The following RNF213 variants were observed in gnomAD, a reference collection of about 807,000 sequenced individuals.
RNF213 encodes E3 ubiquitin-protein ligase RNF213.
In RNF213, 341 loss-of-function variants were observed where a neutral mutation model predicts 514.4. The ratio of observed to expected loss-of-function variants is 0.66; its 90% CI spans 0.61 to 0.73. RNF213 has a LOEUF of 0.73. Among genes scored for constraint, RNF213 ranks in the 30% least tolerant of loss-of-function variants. The pLI, the probability that RNF213 is intolerant of heterozygous loss-of-function variation, is 0.00. For missense variants in RNF213, 5,767 were observed against 6,615.6 expected (o/e 0.87, Z 4.45); for synonymous variants, 2,655 against 2,658.2 (o/e 1.00, Z 0.04).
intron 2 of RNF213, among the ~76,000 whole-genome samples, chr17:80,269,156 G>A (rs1248490338): frequency 6.6e-6 from 1 of 152,104 alleles, no homozygotes; most frequent in Non-Finnish European, 1.5e-5. Flanking sequence ...AGCCACGCTG[G>A]CAGCTGACTG....
intron 57 of RNF213, 86 bp downstream of exon 57, chr17:80,381,813 C>CG: frequency 3.3e-6 from 4 of 1,213,098 alleles, no homozygotes. Flanking sequence ...CCACCCCACA[C>CG]ACAGCCAGTC....
chr17:80,306,116 C>T (rs1034826299), intron 11 of RNF213, 136 bp from the exon 12 acceptor site: 25 of 841,440 alleles, frequency 3.0e-5, no homozygotes, highest in African/African-American at 5.0e-5. Flanking sequence ...GTGTGAGCCA[C>T]CACGCCTGCC....
At chr17:80,390,290 C>A in intron 67 of RNF213, 94 bp downstream of exon 67, 3 of 1,374,240 alleles carry the variant, frequency 2.2e-6, no homozygotes, top group Non-Finnish European at 3.1e-6. Flanking sequence ...TCTTTTCTTA[C>A]CACAGAATCC....
At chr17:80,354,404 A>G in intron 35 of RNF213, 37 bp from the exon 36 acceptor site, 1 of 1,614,058 alleles carries the variant, frequency 6.2e-7, no homozygotes, top group Non-Finnish European at 8.5e-7. Context: ...CAGCTCAGCC[A>G]CGGCCATGCT....
Position 80,294,116 on chromosome 17 carries a change from TAC to T in RNF213, c.1472-602_1472-601del, listed in dbSNP as rs201118442. ...GACATCTTGGGTTTTCTAATTATTT[TAC>T]AGTCAACCTCACTGGGTTTTCTGCA... On this transcript the variant is annotated intron_variant, in intron 8 of 67. Transcript: ENST00000582970. Among the ~76,000 whole-genome samples, 435 of 152,342 alleles carry T rather than the reference TAC, an allele frequency of 2.9e-3. 5 individuals are homozygous for T. The highest frequency in any genetic ancestry group is 0.01 in the African/African-American group (426 of 41,586).
Position 80,347,097 on chromosome 17 carries a change from A to C in RNF213, c.8762A>C (p.Asp2921Ala). 1 of 1,614,052 alleles carries C rather than the reference A, an allele frequency of 6.2e-7. No homozygotes were observed. The highest frequency in any genetic ancestry group is 8.5e-7 in the Non-Finnish European group (1 of 1,180,008). ...IESAKGICSS[D>A]ILVQDRVQGY... The stretch of plus-strand genomic sequence containing the variant: ...AGCGCCAAGGGCATCTGCTCCTCAG[A>C]CATCCTCGTCCAGGACCGAGTCCAA... The change falls in exon 29 of 68, where the codon GAC (aspartate) becomes GCC (alanine). Residue 2921 changes from aspartate (D) to alanine (A), a missense_variant. Asp to Ala is a moderately radical substitution (Grantham distance 126). This residue lies in a region of RNF213 where 919 missense variants were observed against 1,121.0 expected (regional missense o/e 0.82). Coordinates refer to ENST00000582970, the MANE Select transcript of RNF213 (RefSeq NM_001256071.3). The surrounding 1 kb of genome is among the most constrained non-coding windows in gnomAD (Gnocchi z 7.2).
rs1483290869 is a variant in RNF213 at position 80,377,015 on chromosome 17, T to C, written c.13510+52T>C. On this transcript the variant is annotated intron_variant, in intron 53 of 67. Coordinates refer to ENST00000582970, the MANE Select transcript of RNF213 (RefSeq NM_001256071.3). This position sits in a 1 kb window ranked among gnomAD's most constrained non-coding sequence, Gnocchi z 4.1. ...ACACTCCTTTGAGCTTCAAAGGGTG[T>C]CCAGATGCTATGAAGCATTGGGTTC... is the stretch of plus-strand genomic sequence containing the variant. The C allele has an allele frequency of 7.1e-7, 1 of 1,404,436 alleles. No individual in the cohort carries two copies. 87.0% of individuals were successfully genotyped at this position (1,404,436 alleles called of 1,614,324 possible).
chr17:80,388,690 G>C lies in RNF213; in HGVS notation c.15000+1G>C. 1 of 1,606,108 alleles carries C rather than the reference G, an allele frequency of 6.2e-7. No individual in the cohort carries two copies. Among genetic ancestry groups the C allele is most frequent in the Non-Finnish European group, 8.5e-7 (1 of 1,173,666 alleles). On this transcript the variant is annotated splice_donor_variant, in intron 64 of 67. Coordinates refer to ENST00000582970, the MANE Select transcript of RNF213 (RefSeq NM_001256071.3). LOFTEE classifies it high-confidence loss of function. ...GGACATCAAGAACAAAATGGCACAG[G>C]TGATCCCGATAAACCTGATCCTGTG...
intron 20 of RNF213, among the ~76,000 whole-genome samples, chr17:80,328,705 C>T (rs184831226): frequency 1.6e-4 from 24 of 152,194 alleles, no homozygotes; most frequent in African/African-American, 4.6e-4. Context: ...TGGATTTTTC[C>T]GGAGTCAGCA....
At chr17:80,284,757 G>C (rs544819718) in intron 3 of RNF213, among the ~76,000 whole-genome samples, 1 of 152,086 alleles carries the variant, frequency 6.6e-6, no homozygotes, top group African/African-American at 2.4e-5. Context: ...TTACTCCCTC[G>C]TGCCACACAG....
chr17:80,355,622 AATGGGGGCTTACAGG>A (rs1263091567), intron 36 of RNF213, among the ~76,000 whole-genome samples: 2 of 36,848 alleles, frequency 5.4e-5, no homozygotes, highest in Middle Eastern at 0.019. Context: ...GGTGAGTGGG[AATGGGGGCTTACAGG>A]GGAAGAAGCG....
intron 26 of RNF213, chr17:80,340,579 T>A: frequency 4.3e-6 from 2 of 466,038 alleles, no homozygotes. Flanking sequence ...CTTCCTCCTC[T>A]CAGCAAACAT....
intron 38 of RNF213, among the ~76,000 whole-genome samples, chr17:80,360,577 TC>T (rs1464169495): frequency 6.6e-6 from 1 of 152,080 alleles, no homozygotes; most frequent in Non-Finnish European, 1.5e-5. Flanking sequence ...GGCACTGGAC[TC>T]GGAAGATGCC....
chr17:80,291,599 A>G, intron 7 of RNF213, 29 bp from the exon 8 acceptor site: 1 of 1,612,178 alleles, frequency 6.2e-7, no homozygotes, highest in Middle Eastern at 1.7e-4. Context: ...GGAATTTTGG[A>G]TAGCCAACCG....
At chr17:80,273,512 A>G (rs1237485535) in intron 3 of RNF213, 108 bp downstream of exon 3, 10 of 1,401,052 alleles carry the variant, frequency 7.1e-6, no homozygotes, top group African/African-American at 1.4e-5. Flanking sequence ...GGCCCAGCCC[A>G]TTGAACCTGC....
intron 18 of RNF213, among the ~76,000 whole-genome samples, chr17:80,326,481 G>A (rs1231021912): frequency 6.6e-6 from 1 of 152,180 alleles, no homozygotes; most frequent in Non-Finnish European, 1.5e-5. Flanking sequence ...ATTAACTAAA[G>A]TCCATAGTTC....
rs1030084390 is a variant in RNF213, at chr17:80,332,563, A to C, written c.4075A>C (p.Ile1359Leu). The change falls in exon 21 of 68, where the codon ATC becomes CTC. Residue 1359 changes from isoleucine (I) to leucine (L), a missense_variant. Ile to Leu is a conservative substitution (Grantham distance 5). Around this residue, in one of 13 missense-constraint regions of RNF213, gnomAD observed 516 missense variants for 566.5 expected, o/e 0.91. Coordinates refer to ENST00000582970, the MANE Select transcript of RNF213 (RefSeq NM_001256071.3). Reference protein sequence around the residue: ...LHQAVHAAKVILQVKESLGLN... With the variant: ...LHQAVHAAKVLLQVKESLGLN... Reference sequence around the variant, plus strand: ...CCAGGCTGTCCACGCAGCCAAGGTCATCTTGCAGGTCAAAGAGAGCCTGGG... The same window carrying C: ...CCAGGCTGTCCACGCAGCCAAGGTCCTCTTGCAGGTCAAAGAGAGCCTGGG... 1 of 1,534,446 alleles carries C rather than the reference A, an allele frequency of 6.5e-7. No individual in the cohort carries two copies. Among genetic ancestry groups the C allele is most frequent in the African/African-American group, 1.4e-5 (1 of 72,922 alleles).
rs976159868 is a variant in RNF213 at position 80,336,342 on chromosome 17, G to A, written c.4491G>A (p.Lys1497=). The stretch of plus-strand genomic sequence containing the variant: ...TGAAGCATCTGAAAAAGCTGTGGAA[G>A]GCTCTGGATAAGGACCAGTACCTGC... ...AFMKHLKKLW[K]ALDKDQYLPR... is the part of the protein sequence containing the mutation. Residue 1497 remains lysine (K), a synonymous_variant, in exon 23 of 68, where the codon AAG becomes AAA. Coordinates refer to ENST00000582970, the MANE Select transcript of RNF213 (RefSeq NM_001256071.3). 12 of 1,537,146 alleles carry A rather than the reference G, an allele frequency of 7.8e-6. No homozygotes were observed. The highest frequency in any genetic ancestry group is 1.0e-5 in the Non-Finnish European group (12 of 1,146,930).
At chr17:80,313,658 G>A (rs2045665067) in intron 15 of RNF213, among the ~76,000 whole-genome samples, 1 of 149,748 alleles carries the variant, frequency 6.7e-6, no homozygotes, top group African/African-American at 2.5e-5. Flanking sequence ...TGGTTGTGGA[G>A]GTGATGGTGG....
Sources: allele counts gnomAD v4.1 joint callset (sites outside exome capture counted in the v4.1 genomes callset), GRCh38; gene constraint gnomAD v4.1.1; regional missense constraint gnomAD v4.1.1; non-coding constraint Gnocchi (gnomAD v3.1); transcripts MANE v1.5; gene names NCBI Gene and HGNC (gene_info 2026-07-23, HGNC 2026-07-21).